ALDH1A3: variants seen among roughly 807,000 people sequenced by gnomAD.
ALDH1A3 encodes the protein aldehyde dehydrogenase 1 family member A3.
In ALDH1A3, 28 loss-of-function variants were observed where a neutral mutation model predicts 57.5. That is an observed-to-expected ratio of 0.49 (90% CI 0.36 to 0.67). ALDH1A3 has a LOEUF of 0.67. Among genes scored for constraint, ALDH1A3 ranks in the 30% least tolerant of loss-of-function variants. The pLI, the probability that ALDH1A3 is intolerant of heterozygous loss-of-function variation, is 0.00. For missense variants in ALDH1A3, 507 were observed against 669.4 expected, an observed-to-expected ratio of 0.76 and a Z score of 2.68; for synonymous variants, 281 against 264.8, an observed-to-expected ratio of 1.06 and a Z score of -0.59.
Position 100,889,254 on chromosome 15 carries a change from TAAAGGAGGGTGTCAGCCAGGACACGGAA to T in ALDH1A3, c.345+1544_345+1571del, listed in dbSNP as rs1230975250. 4 of 152,288 alleles carry T rather than the reference TAAAGGAGGGTGTCAGCCAGGACACGGAA, an allele frequency of 2.6e-5. No individual in the cohort carries two copies. Among genetic ancestry groups the T allele is most frequent in the African/African-American group, 9.6e-5 (4 of 41,544 alleles). 9.4% of individuals were successfully genotyped at this position (152,288 alleles called of 1,614,324 possible). ...AACAAGCAGTAGGGTAGCCACTGTTTAAAGGAGGGTGTCAGCCAGGACACGGAAATTGCTGTTGCCCCTGAATGTGTTT... is the reference window on the plus strand; with the variant it reads ...AACAAGCAGTAGGGTAGCCACTGTTTATTGCTGTTGCCCCTGAATGTGTTT... On this transcript the variant is annotated intron_variant, in intron 3 of 12. Transcript: ENST00000329841. The surrounding 1 kb of genome is among the most constrained non-coding windows in gnomAD (Gnocchi z 5.1).
At chr15:100,908,570 G>A (rs1328010837) in intron 12 of ALDH1A3, 88 bp downstream of exon 12, 3 of 1,240,502 alleles carry the variant, frequency 2.4e-6, no homozygotes, top group African/African-American at 3.0e-5. Flanking sequence ...CCAATCTGCT[G>A]ACACCCCGTC....
rs746817057 is a variant in ALDH1A3, at chr15:100,889,968, T to G, written c.345+2256T>G. On this transcript the variant is annotated intron_variant, in intron 3 of 12. Coordinates refer to ENST00000329841, the MANE Select transcript of ALDH1A3 (RefSeq NM_000693.4). The surrounding 1 kb of genome is among the most constrained non-coding windows in gnomAD (Gnocchi z 5.1). ...TGCATGTTCATGGAGCGTGTTCTCTTGCCGGCTCAGTGGTTTGACAGAGCT... is the reference window on the plus strand; with the variant it reads ...TGCATGTTCATGGAGCGTGTTCTCTGGCCGGCTCAGTGGTTTGACAGAGCT... Among the ~76,000 whole-genome samples the G allele has an allele frequency of 3.9e-5, 6 of 152,236 alleles. No homozygotes were observed. Among genetic ancestry groups the G allele is most frequent in the Admixed American group, 6.5e-5 (1 of 15,288 alleles).
chr15:100,903,677 C>T (rs1290699702), intron 9 of ALDH1A3, among the ~76,000 whole-genome samples: 1 of 152,220 alleles, frequency 6.6e-6, no homozygotes, highest in Admixed American at 6.5e-5. Context: ...CCCTTTCCAA[C>T]AGAATATGGA....
rs749166810 is a variant in ALDH1A3, at chr15:100,898,077, C to T, written c.781-6C>T. ...GGTAAATTGTGATCTGTGTTCTGTCCTGGAGGTTGGAAAACTGGTTAAAGA... is the reference window on the plus strand; with the variant it reads ...GGTAAATTGTGATCTGTGTTCTGTCTTGGAGGTTGGAAAACTGGTTAAAGA... On this transcript the variant is annotated splice_polypyrimidine_tract_variant and splice_region_variant and intron_variant, in intron 7 of 12. Coordinates refer to ENST00000329841, the MANE Select transcript of ALDH1A3 (RefSeq NM_000693.4). 13 of 1,613,278 alleles carry T rather than the reference C, an allele frequency of 8.1e-6. No individual in the cohort carries two copies. The South Asian group carries it at 1.1e-4, about 14-fold the overall frequency.
Position 100,899,992 on chromosome 15 carries a change from A to T in ALDH1A3, c.884-583A>T, listed in dbSNP as rs75776746. On this transcript the variant is annotated intron_variant, in intron 8 of 12. Coordinates refer to ENST00000329841, the MANE Select transcript of ALDH1A3 (RefSeq NM_000693.4). Reference sequence around the variant, plus strand: ...TAGATGTAAATGACATCCCAATACCATTCTTATCCACTAAGCGTGTCCCCC... The same window carrying T: ...TAGATGTAAATGACATCCCAATACCTTTCTTATCCACTAAGCGTGTCCCCC... Among the ~76,000 whole-genome samples, 154 of 152,308 alleles carry T rather than the reference A, an allele frequency of 1.0e-3. 3 individuals are homozygous for T. The South Asian group carries it at 0.031, about 30-fold the overall frequency.
At chr15:100,904,499 A>G (rs1248964283) in intron 9 of ALDH1A3, among the ~76,000 whole-genome samples, 1 of 152,208 alleles carries the variant, frequency 6.6e-6, no homozygotes, top group African/African-American at 2.4e-5. Context: ...GTTTATGATC[A>G]TTGGAATGAA....
At chr15:100,881,964 C>T (rs2041551526) in intron 1 of ALDH1A3, among the ~76,000 whole-genome samples, 1 of 152,110 alleles carries the variant, frequency 6.6e-6, no homozygotes, top group African/African-American at 2.4e-5. Context: ...ACTGGAGAGG[C>T]GGCCGAGAGT....
At chr15:100,910,159 C>T (rs2041868294) in intron 12 of ALDH1A3, among the ~76,000 whole-genome samples, 1 of 152,208 alleles carries the variant, frequency 6.6e-6, no homozygotes, top group African/African-American at 2.4e-5. Context: ...GTAGTCCATC[C>T]CTGACTCTCA....
chr15:100,884,276 C>A (rs2041572853), intron 1 of ALDH1A3, among the ~76,000 whole-genome samples: 1 of 152,192 alleles, frequency 6.6e-6, no homozygotes, highest in East Asian at 1.9e-4. Flanking sequence ...TTTAATATGA[C>A]ATTAATAAGA....
Position 100,906,683 on chromosome 15 carries a change from G to A in ALDH1A3, c.1234-438G>A, listed in dbSNP as rs117101243. Reference sequence around the variant, plus strand: ...TTCCCCTGGTAGTTATTATGGAAACGTTCTAGGGTGTCTTCCTTGGTAGAA... The same window carrying A: ...TTCCCCTGGTAGTTATTATGGAAACATTCTAGGGTGTCTTCCTTGGTAGAA... On this transcript the variant is annotated intron_variant, in intron 10 of 12. Transcript: ENST00000329841. This position sits in a 1 kb window ranked among gnomAD's most constrained non-coding sequence, Gnocchi z 4.8. Among the ~76,000 whole-genome samples the A allele has an allele frequency of 0.011, 1,708 of 152,234 alleles. 37 individuals are homozygous for A. The highest frequency in any genetic ancestry group is 0.028 in the East Asian group (146 of 5,182).
In ALDH1A3 at chr15:100,914,825, G is replaced by A; in HGVS notation, c.*52G>A. 1 of 1,560,038 alleles carries A rather than the reference G, an allele frequency of 6.4e-7. No homozygotes were observed. On this transcript the variant is annotated 3_prime_UTR_variant, in exon 13 of 13. Coordinates refer to ENST00000329841, the MANE Select transcript of ALDH1A3 (RefSeq NM_000693.4). ...CATCGGACGGCGGAATGTGGCAGAT[G>A]AAATGTGCTGGAGGAAAAAAATGAC...
Position 100,908,404 on chromosome 15 carries a change from C to G in ALDH1A3, c.1392-4C>G, listed in dbSNP as rs550784570. On this transcript the variant is annotated splice_region_variant and splice_polypyrimidine_tract_variant and intron_variant, in intron 11 of 12. Transcript: ENST00000329841. The stretch of plus-strand genomic sequence containing the variant: ...ACTCTGAGCTTTCTTCCATTCTTTT[C>G]TAGGATCAACTGCTACAACGCCCTC... 5 of 1,613,450 alleles carry G rather than the reference C, an allele frequency of 3.1e-6. No homozygotes were observed. Among genetic ancestry groups the G allele is most frequent in the South Asian group, 1.1e-5 (1 of 91,066 alleles).
At chr15:100,899,320 C>T (rs758243758) in intron 8 of ALDH1A3, among the ~76,000 whole-genome samples, 1 of 152,184 alleles carries the variant, frequency 6.6e-6, no homozygotes, top group Non-Finnish European at 1.5e-5. Context: ...CCCAAACAGC[C>T]AGGACTCCTG....
rs767125417 is a variant in ALDH1A3 at position 100,887,746 on chromosome 15, G to A, written c.345+34G>A. 2 of 1,550,702 alleles carry A rather than the reference G, an allele frequency of 1.3e-6. No individual in the cohort carries two copies. Among genetic ancestry groups the A allele is most frequent in the Non-Finnish European group, 1.7e-6 (2 of 1,144,496 alleles). Reference sequence around the variant, plus strand: ...ATGCACTTGGGGGCCGGTGGGGGATGAGCCAGCCTCACTGAGGGTCCTGTC... The same window carrying A: ...ATGCACTTGGGGGCCGGTGGGGGATAAGCCAGCCTCACTGAGGGTCCTGTC... On this transcript the variant is annotated intron_variant, in intron 3 of 12. Transcript: ENST00000329841. The surrounding 1 kb of genome is among the most constrained non-coding windows in gnomAD (Gnocchi z 4.6).
At position 100,893,059 on chromosome 15, in the gene ALDH1A3, C is replaced by T. The variant is rs79145913; in HGVS notation, c.537+53C>T. 3.8e-3 allele frequency: 5,649 copies of T among 1,502,032 alleles called. 81 individuals carry two copies. The East Asian group carries it at 0.04, about 11-fold the overall frequency. 93.0% of individuals were successfully genotyped at this position (1,502,032 alleles called of 1,614,324 possible). ...TTCTATGTAGATCCTGCCCCACTGC[C>T]CTGTGTCCTTTGGAATCAATTTCTG... On this transcript the variant is annotated intron_variant, in intron 5 of 12. Transcript: ENST00000329841. The surrounding 1 kb of genome is among the most constrained non-coding windows in gnomAD (Gnocchi z 4.8).
At chr15:100,914,288 C>A (rs2041909594) in intron 12 of ALDH1A3, 1 of 156,322 alleles carries the variant, frequency 6.4e-6, no homozygotes, top group South Asian at 1.9e-4. Flanking sequence ...AAGCAGCTCC[C>A]AATTGCCATC....
Position 100,908,424 on chromosome 15 carries a change from G to T in ALDH1A3, c.1408G>T (p.Ala470Ser), listed in dbSNP as rs147752643. 6.2e-7 allele frequency: 1 copy of T among 1,613,774 alleles called. No homozygotes were observed. The highest frequency in any genetic ancestry group is 2.2e-5 in the East Asian group (1 of 44,874). Residue 470 changes from alanine to serine, a missense_variant, in exon 12 of 13, where the codon GCC becomes TCC. Around this residue, in one of 2 missense-constraint regions of ALDH1A3, gnomAD observed 432 missense variants for 608.4 expected, o/e 0.71. Transcript: ENST00000329841. ...SGTVWINCYN[A>S]LYAQAPFGGF... ...CTTTTCTAGGATCAACTGCTACAAC[G>T]CCCTCTATGCACAGGCTCCATTTGG...
chr15:100,889,059 A>G lies in ALDH1A3; in HGVS notation c.345+1347A>G, dbSNP rs2041623793. ...ACCCTCCTCTGGTCATGAGGGAGTG[A>G]TCAGAGGACATCTCAGGGCCACGTT... On this transcript the variant is annotated intron_variant, in intron 3 of 12. Coordinates refer to ENST00000329841, the MANE Select transcript of ALDH1A3 (RefSeq NM_000693.4). This position sits in a 1 kb window ranked among gnomAD's most constrained non-coding sequence, Gnocchi z 5.1. 1 of 152,208 alleles carries G rather than the reference A, an allele frequency of 6.6e-6. No homozygotes were observed. Among genetic ancestry groups the G allele is most frequent in the Admixed American group, 6.5e-5 (1 of 15,276 alleles). The allele number at this position is 152,208 out of a possible 1,614,324, so 9.4% of individuals were successfully genotyped here.
chr15:100,893,110 C>T lies in ALDH1A3; in HGVS notation c.537+104C>T, dbSNP rs2041667450. ...GTGTGTTTTTATCTGATTGCACCAG[C>T]GTTGAACAAGCATTTTCTTCGTGGC... On this transcript the variant is annotated intron_variant, in intron 5 of 12. Transcript: ENST00000329841. This position sits in a 1 kb window ranked among gnomAD's most constrained non-coding sequence, Gnocchi z 4.8. The T allele has an allele frequency of 1.3e-5, 14 of 1,057,480 alleles. No individual in the cohort carries two copies. In the Admixed American group the frequency reaches 1.6e-4, roughly 12 times the overall value. 65.5% of individuals were successfully genotyped at this position (1,057,480 alleles called of 1,614,324 possible).
Sources: allele counts gnomAD v4.1 joint callset (sites outside exome capture counted in the v4.1 genomes callset), GRCh38; gene constraint gnomAD v4.1.1; regional missense constraint gnomAD v4.1.1; non-coding constraint Gnocchi (gnomAD v3.1); transcripts MANE v1.5; gene names NCBI Gene and HGNC (gene_info 2026-07-23, HGNC 2026-07-21).